LRRC8D: variants seen among roughly 807,000 people sequenced by gnomAD.
LRRC8D encodes the protein leucine rich repeat containing 8 VRAC subunit D, also known as volume-regulated anion channel subunit LRRC8D.
Under a neutral mutation model 55.8 loss-of-function variants are expected in LRRC8D, and 20 were observed. The observed-to-expected ratio is 0.36, with a 90% CI of 0.25 to 0.52. LRRC8D has a LOEUF of 0.52. Ranked by LOEUF, LRRC8D falls within the 20% of genes least tolerant of loss-of-function variation. LRRC8D has a pLI of 0.93. For synonymous variants in LRRC8D, 352 were observed against 377.0 expected (o/e 0.93, Z 0.77); for missense variants, 651 against 1,030.8 (o/e 0.63, Z 5.05).
intron 2 of LRRC8D, among the ~76,000 whole-genome samples, chr1:89,925,761 G>A (rs1372749353): frequency 2.0e-5 from 3 of 152,224 alleles, no homozygotes; most frequent in Non-Finnish European, 1.5e-5. Flanking sequence ...CCCCTGGTAG[G>A]AAGGGCATAT....
chr1:89,928,651 C>T (rs556247230), intron 2 of LRRC8D, among the ~76,000 whole-genome samples: 5 of 152,226 alleles, frequency 3.3e-5, no homozygotes, highest in African/African-American at 1.2e-4. Flanking sequence ...TGTGAAGTTA[C>T]AGTACTCTGT....
chr1:89,922,357 G>A (rs777738352), intron 2 of LRRC8D, among the ~76,000 whole-genome samples: 5 of 152,114 alleles, frequency 3.3e-5, no homozygotes, highest in Admixed American at 6.6e-5. Flanking sequence ...GAGCCACTGC[G>A]TCTGGCCAAT....
At chr1:89,907,638 CCTT>C (rs1663030452) in intron 2 of LRRC8D, among the ~76,000 whole-genome samples, 1 of 152,120 alleles carries the variant, frequency 6.6e-6, no homozygotes, top group Non-Finnish European at 1.5e-5. Context: ...AGTCTGATTT[CCTT>C]CTTTTCTCAG....
chr1:89,823,261 A>G (rs1013385008), intron 1 of LRRC8D, among the ~76,000 whole-genome samples: 3 of 152,202 alleles, frequency 2.0e-5, no homozygotes, highest in Non-Finnish European at 2.9e-5. Flanking sequence ...CCATATTCAT[A>G]TCATTTTCTC....
At chr1:89,898,360 G>A (rs1012455063) in intron 2 of LRRC8D, among the ~76,000 whole-genome samples, 2 of 152,192 alleles carry the variant, frequency 1.3e-5, no homozygotes, top group African/African-American at 4.8e-5. Flanking sequence ...GAAGGAAAGC[G>A]TTATTCATTG....
Position 89,933,265 on chromosome 1 carries a change from C to T in LRRC8D, c.197C>T (p.Ala66Val), listed in dbSNP as rs760619293. 1 of 1,614,150 alleles carries T rather than the reference C, an allele frequency of 6.2e-7. No homozygotes were observed. Among genetic ancestry groups the T allele is most frequent in the East Asian group, 2.2e-5 (1 of 44,870 alleles). ...TTGCCATCTCCTGTAAATTCAAAGG[C>T]ACATACACCACCAGGAAATGCCGAG... ...PVLPSPVNSK[A>V]HTPPGNAEVT... The change falls in exon 3 of 3, where the codon GCA becomes GTA. Residue 66 changes from alanine (A) to valine (V), a missense_variant. Physicochemically the swap from Ala to Val is moderately conservative, Grantham distance 64 (BLOSUM62 0). This residue lies in a region of LRRC8D where 118 missense variants were observed against 138.0 expected (regional missense o/e 0.85). Coordinates refer to ENST00000337338, the MANE Select transcript of LRRC8D (RefSeq NM_001134479.2). The surrounding 1 kb of genome is among the most constrained non-coding windows in gnomAD (Gnocchi z 7.0).
chr1:89,872,437 A>C (rs181546942), intron 2 of LRRC8D, among the ~76,000 whole-genome samples: 4 of 152,200 alleles, frequency 2.6e-5, no homozygotes, highest in African/African-American at 9.6e-5. Context: ...GGATCTTTCA[A>C]TGGCAGTGAC....
chr1:89,905,411 T>A (rs189429658), intron 2 of LRRC8D, among the ~76,000 whole-genome samples: 139 of 152,328 alleles, frequency 9.1e-4, no homozygotes, highest in Admixed American at 2.9e-3. Context: ...CCAAACAGAT[T>A]TGTTTCCCTC....
At chr1:89,901,058 C>T (rs1330567253) in intron 2 of LRRC8D, among the ~76,000 whole-genome samples, 1 of 152,228 alleles carries the variant, frequency 6.6e-6, no homozygotes. Flanking sequence ...TGTGACCATG[C>T]ATTTCTAGTC....
intron 2 of LRRC8D, among the ~76,000 whole-genome samples, chr1:89,912,884 A>C (rs1340498202): frequency 6.6e-6 from 1 of 152,216 alleles, no homozygotes; most frequent in Non-Finnish European, 1.5e-5. Flanking sequence ...TGCTTTTAAG[A>C]GGTGTTTTTT....
At chr1:89,871,627 T>C (rs759609219) in intron 2 of LRRC8D, among the ~76,000 whole-genome samples, 1 of 152,236 alleles carries the variant, frequency 6.6e-6, no homozygotes, top group Non-Finnish European at 1.5e-5. Flanking sequence ...TGTTTCTTTC[T>C]ACTGTTTACA....
intron 2 of LRRC8D, among the ~76,000 whole-genome samples, chr1:89,871,164 T>C (rs1661997543): frequency 6.6e-6 from 1 of 152,224 alleles, no homozygotes; most frequent in Non-Finnish European, 1.5e-5. Context: ...AGGTACAGAC[T>C]CCCCGCATTT....
chr1:89,839,475 C>A (rs1661080174), intron 1 of LRRC8D, among the ~76,000 whole-genome samples: 1 of 152,172 alleles, frequency 6.6e-6, no homozygotes, highest in Non-Finnish European at 1.5e-5. Context: ...AGGAAACTAT[C>A]TTACAGGCAT....
At chr1:89,860,325 G>A (rs1317932269) in intron 2 of LRRC8D, among the ~76,000 whole-genome samples, 1 of 152,010 alleles carries the variant, frequency 6.6e-6, no homozygotes, top group Non-Finnish European at 1.5e-5. Flanking sequence ...GTTAATTAAG[G>A]CAACTCCAAT....
intron 2 of LRRC8D, among the ~76,000 whole-genome samples, chr1:89,845,182 C>T (rs1251256218): frequency 6.6e-6 from 1 of 152,182 alleles, no homozygotes; most frequent in Non-Finnish European, 1.5e-5. Context: ...TATCATAAAA[C>T]ATATTTACTA....
At chr1:89,875,278 C>T (rs1662119039) in intron 2 of LRRC8D, among the ~76,000 whole-genome samples, 1 of 152,052 alleles carries the variant, frequency 6.6e-6, no homozygotes, top group African/African-American at 2.4e-5. Context: ...AAGTTAGAAG[C>T]TCTGAAACAT....
chr1:89,835,891 A>T (rs1660995384), intron 1 of LRRC8D, among the ~76,000 whole-genome samples: 1 of 152,228 alleles, frequency 6.6e-6, no homozygotes, highest in Admixed American at 6.5e-5. Flanking sequence ...CTTCACCTTA[A>T]AAAATAACTG....
At chr1:89,883,956 C>T (rs78298817) in intron 2 of LRRC8D, among the ~76,000 whole-genome samples, 1,718 of 152,328 alleles carry the variant, frequency 0.011, 37 homozygotes, top group African/African-American at 0.039. Context: ...TCAGGAAGGT[C>T]ATCCGATCCT....
chr1:89,832,837 C>T (rs553649474), intron 1 of LRRC8D, among the ~76,000 whole-genome samples: 2 of 152,336 alleles, frequency 1.3e-5, no homozygotes, highest in Admixed American at 6.5e-5. Context: ...GTCCTAGTGA[C>T]GAATCTGGAA....
Sources: gnomAD v4.1 joint callset for allele counts (sites outside exome capture counted in the v4.1 genomes callset) on GRCh38, gnomAD v4.1.1 for gene constraint, gnomAD v4.1.1 regional missense constraint, Gnocchi (gnomAD v3.1) non-coding constraint, MANE v1.5 for transcripts, NCBI Gene and HGNC (gene_info 2026-07-23, HGNC 2026-07-21) for gene names.